The following FAAP20 variants were observed in gnomAD, a reference collection of about 807,000 sequenced individuals.
The protein encoded by FAAP20 is FA core complex associated protein 20, also known as Fanconi anemia core complex-associated protein 20.
Under a neutral mutation model 16.2 loss-of-function variants are expected in FAAP20, and 12 were observed. The ratio of observed to expected loss-of-function variants is 0.74; its 90% confidence interval spans 0.48 to 1.20. The LOEUF (loss-of-function observed/expected upper bound fraction) is 1.20, where lower values mean the gene tolerates loss of function less well. Among genes scored for constraint, FAAP20 ranks in the 50% most tolerant of loss-of-function variants. The pLI is 0.00. For missense variants in FAAP20, 288 were observed against 245.8 expected, an observed-to-expected ratio of 1.17 and a Z score of -1.15; for synonymous variants, 141 against 110.7, an observed-to-expected ratio of 1.27 and a Z score of -1.72.
At chr1:2,186,341 C>T (rs1490769963), downstream of FAAP20, 2 of 201,738 alleles carry the variant, frequency 9.9e-6, no homozygotes, top group East Asian at 3.2e-4. Context: ...GAGCGTGGCC[C>T]ACCCTACACA....
At chr1:2,200,712 T>G, upstream of FAAP20, 1 of 987,328 alleles carries the variant, frequency 1.0e-6, no homozygotes, top group South Asian at 4.6e-5. Context: ...AAGTTCAGCT[T>G]GAAAACGCTG....
In FAAP20 at chr1:2,199,859, C is replaced by G. The variant is rs144419069; in HGVS notation, n.49G>C. On this transcript the variant is annotated non_coding_transcript_exon_variant, in exon 1 of 4. Transcript: ENST00000401813. This position sits in a 1 kb window ranked among gnomAD's most constrained non-coding sequence, Gnocchi z 4.5. ...TTGGGAGGCCGAGGCGGGCAGATCA[C>G]TTGAGGTCAGGAGTTCTAGACCAGC... The G allele has an allele frequency of 7.7e-3, 1,231 of 160,262 alleles. 10 individuals carry two copies. Among genetic ancestry groups the G allele is most frequent in the South Asian group, 0.016 (80 of 4,932 alleles). 9.9% of individuals were successfully genotyped at this position (160,262 alleles called of 1,614,324 possible).
chr1:2,184,562 T>TTC (rs2100591517), downstream of FAAP20: 1 of 1,603,516 alleles, frequency 6.2e-7, no homozygotes, highest in Non-Finnish European at 8.5e-7. Flanking sequence ...GAGCTGACCC[T>TTC]TCTCCTATTG....
At chr1:2,194,842 C>A (rs1030940783), upstream of FAAP20, 12 of 1,043,734 alleles carry the variant, frequency 1.1e-5, no homozygotes, top group South Asian at 5.5e-4. Context: ...ACCTCTGCAG[C>A]GAGGCCGCCC....
upstream of FAAP20, among the ~76,000 whole-genome samples, chr1:2,201,448 G>A (rs938122979): frequency 7.9e-5 from 12 of 152,320 alleles, no homozygotes; most frequent in African/African-American, 2.2e-4. Context: ...GGCTGGGCAC[G>A]GTGGCTCACA....
chr1:2,184,795 T>C, downstream of FAAP20: 1 of 1,398,658 alleles, frequency 7.1e-7, no homozygotes. Flanking sequence ...TGCCCTTGAG[T>C]CCCACCCGCC....
In FAAP20 at chr1:2,189,567, C is replaced by CA. The variant is rs1481827111; in HGVS notation, c.*141dup. 1.4e-6 allele frequency: 1 copy of CA among 710,448 alleles called. No homozygotes were observed. The highest frequency in any genetic ancestry group is 2.1e-5 in the Admixed American group (1 of 48,112). The allele number at this position is 710,448 out of a possible 1,614,324, so 44.0% of individuals were successfully genotyped here. A position where few individuals can be genotyped will look rare whatever the true frequency, so the allele number is the denominator to read the frequency against. On this transcript the variant is annotated 3_prime_UTR_variant, in exon 4 of 4. Transcript: ENST00000378546. ...CAGACGTTTCATCACAACACAGAGA[C>CA]AGACAGGAGCCCGCCCTGCTTTAAT...
At chr1:2,190,781 T>A (rs111870233) in intron 3 of FAAP20, 1 of 268,778 alleles carries the variant, frequency 3.7e-6, no homozygotes, top group African/African-American at 2.2e-5. Context: ...AGCGGCCAAG[T>A]CCACAGGACA....
upstream of FAAP20, chr1:2,199,183 G>C (rs1312944334): frequency 1.0e-5 from 12 of 1,174,632 alleles, no homozygotes; most frequent in Non-Finnish European, 1.1e-6. The surrounding 1 kb of genome is among the most constrained non-coding windows in gnomAD (Gnocchi z 4.5). Flanking sequence ...GCCTGTGTCT[G>C]GGCCAGCATC....
upstream of FAAP20, among the ~76,000 whole-genome samples, chr1:2,204,891 TCAAGCCCCGCCCC>T (rs1689181536): frequency 5.5e-5 from 1 of 18,156 alleles, no homozygotes; most frequent in Non-Finnish European, 1.3e-4. Context: ...CGCCCCGCCC[TCAAGCCCCGCCCC>T]TCAAGCCCCC....
downstream of FAAP20, among the ~76,000 whole-genome samples, chr1:2,185,800 G>T (rs1337396140): frequency 6.6e-6 from 1 of 152,216 alleles, no homozygotes; most frequent in Non-Finnish European, 1.5e-5. Flanking sequence ...ACGATGCCTC[G>T]TGCGACGCAT....
chr1:2,189,194 G>A (rs1687879946), downstream of FAAP20, among the ~76,000 whole-genome samples: 1 of 151,686 alleles, frequency 6.6e-6, no homozygotes, highest in African/African-American at 2.4e-5. Flanking sequence ...GTCGCTGGGT[G>A]TGGTGACGCG....
downstream of FAAP20, among the ~76,000 whole-genome samples, chr1:2,209,748 C>T (rs777541238): frequency 1.3e-5 from 2 of 152,208 alleles, no homozygotes; most frequent in African/African-American, 2.4e-5. Flanking sequence ...ATGGGCCACT[C>T]GTCCAGGAAC....
chr1:2,186,502 C>CG (rs1358698998), downstream of FAAP20, among the ~76,000 whole-genome samples: 28 of 149,724 alleles, frequency 1.9e-4, 1 homozygote, highest in South Asian at 2.4e-3. Flanking sequence ...ACCCGCCCCC[C>CG]CCCGGCCAGC....
chr1:2,194,633 G>T (rs1274911099), intron 1 of FAAP20, 55 bp downstream of exon 1: 4 of 993,726 alleles, frequency 4.0e-6, no homozygotes, highest in Non-Finnish European at 5.0e-6. Flanking sequence ...GGGGCGCCGG[G>T]AAGCACGTGG....
At chr1:2,193,116 A>G (rs1461152624) in intron 3 of FAAP20, 2 of 797,600 alleles carry the variant, frequency 2.5e-6, no homozygotes, top group South Asian at 3.4e-5. Context: ...CCGGAGGCCA[A>G]GGGCCCAGAG....
chr1:2,192,485 T>G, intron 3 of FAAP20: 1 of 997,776 alleles, frequency 1.0e-6, no homozygotes, highest in African/African-American at 1.7e-5. Context: ...AGTCTTTTTT[T>G]AGACTATCTG....
intron 3 of FAAP20, chr1:2,190,401 A>G (rs1688073973): frequency 2.2e-6 from 1 of 449,372 alleles, no homozygotes; most frequent in East Asian, 7.1e-5. Flanking sequence ...GTGGCAGGAG[A>G]AAACCCATCC....
chr1:2,210,092 C>T (rs1689395498), downstream of FAAP20, among the ~76,000 whole-genome samples: 1 of 152,160 alleles, frequency 6.6e-6, no homozygotes, highest in Non-Finnish European at 1.5e-5. Context: ...TGGCTGTGCT[C>T]TCCAGGCACC....
Sources: allele counts gnomAD v4.1 joint callset (sites outside exome capture counted in the v4.1 genomes callset), GRCh38; gene constraint gnomAD v4.1.1; non-coding constraint Gnocchi (gnomAD v3.1); transcripts MANE v1.5; gene names NCBI Gene and HGNC (gene_info 2026-07-23, HGNC 2026-07-21).